Variants in ZNRF1 observed in about 807,000 individuals in gnomAD.
The protein encoded by ZNRF1 is zinc and ring finger 1, also known as E3 ubiquitin-protein ligase ZNRF1.
ZNRF1 carries 3 observed loss-of-function variants against 18.4 expected under a neutral mutation model. That is an observed-to-expected ratio of 0.16 (90% confidence interval 0.07 to 0.42). ZNRF1 has a LOEUF of 0.42. Among genes scored for constraint, ZNRF1 ranks in the 10% least tolerant of loss-of-function variants. The probability of loss-of-function intolerance (pLI) is 0.99; values close to 1 mark genes in which losing one functional copy is unlikely to be tolerated. For synonymous variants in ZNRF1, 157 were observed against 144.2 expected (o/e 1.09, Z -0.64); for missense variants, 310 against 329.8 (o/e 0.94, Z 0.47).
chr16:75,100,598 G>GACC (rs2036244836), intron 2 of ZNRF1, among the ~76,000 whole-genome samples: 1 of 152,194 alleles, frequency 6.6e-6, no homozygotes, highest in South Asian at 2.1e-4. Context: ...AGCTGTATGG[G>GACC]ACCCAGAGAA....
chr16:75,043,806 T>TTTTTTTTTTTTA (rs1567476290), intron 1 of ZNRF1, among the ~76,000 whole-genome samples: 1 of 147,504 alleles, frequency 6.8e-6, no homozygotes. Context: ...TTTTTTTTTT[T>TTTTTTTTTTTTA]GAGACAGAGT....
chr16:75,062,905 C>T (rs1349620736), intron 1 of ZNRF1, among the ~76,000 whole-genome samples: 1 of 152,156 alleles, frequency 6.6e-6, no homozygotes, highest in Non-Finnish European at 1.5e-5. Flanking sequence ...ACGTGGGAGG[C>T]CTGGGGCTTC....
chr16:75,076,576 A>G (rs893980908), intron 1 of ZNRF1, among the ~76,000 whole-genome samples: 2 of 150,198 alleles, frequency 1.3e-5, no homozygotes, highest in African/African-American at 4.9e-5. Flanking sequence ...TTGATTGCTT[A>G]TCCTATTTAA....
chr16:75,104,906 A>C lies in ZNRF1; in HGVS notation c.626+17A>C. On this transcript the variant is annotated intron_variant, in intron 3 of 4. Coordinates refer to ENST00000335325, the MANE Select transcript of ZNRF1 (RefSeq NM_032268.5). ...TCACAAAAGGTAGGAGGGGTTGGCA[A>C]GGTAGCTTAGTGCACCCCACCTCCC... The C allele has an allele frequency of 6.3e-7, 1 of 1,575,054 alleles. No homozygotes were observed. The highest frequency in any genetic ancestry group is 1.2e-5 in the South Asian group (1 of 85,900).
At chr16:75,012,053 A>G (rs1207238227) in intron 1 of ZNRF1, among the ~76,000 whole-genome samples, 2 of 152,192 alleles carry the variant, frequency 1.3e-5, no homozygotes, top group Admixed American at 6.5e-5. Context: ...CACCAGGGGA[A>G]TTTTTGGTAG....
rs2035828416 is a variant in ZNRF1 at position 75,068,261 on chromosome 16, G to A, written c.425-25311G>A. Among the ~76,000 whole-genome samples, 3 of 150,794 alleles carry A rather than the reference G, an allele frequency of 2.0e-5. No individual in the cohort carries two copies. The South Asian group carries it at 6.3e-4, about 32-fold the overall frequency. On this transcript the variant is annotated intron_variant, in intron 1 of 4. Transcript: ENST00000335325. ...CACCTGTAGTCTCAGCTACTCCAGA[G>A]ACTGAGATGGGAGGATTGCTTAAGC...
At chr16:75,048,753 G>A (rs1157406053) in intron 1 of ZNRF1, among the ~76,000 whole-genome samples, 1 of 152,126 alleles carries the variant, frequency 6.6e-6, no homozygotes, top group African/African-American at 2.4e-5. Flanking sequence ...TCTGTCCGTG[G>A]CTTGGTTCGG....
Position 75,024,866 on chromosome 16 carries a change from T to C in ZNRF1, c.424+24771T>C, listed in dbSNP as rs370138656. Among the ~76,000 whole-genome samples the C allele has an allele frequency of 4.6e-5, 7 of 152,196 alleles. No individual in the cohort carries two copies. The East Asian group carries it at 9.6e-4, about 21-fold the overall frequency. The stretch of plus-strand genomic sequence containing the variant: ...TATTCACTGTGAAGATTTTAAACAT[T>C]AATGTAGAAAGCGGAAGTTTCCCCC... On this transcript the variant is annotated intron_variant, in intron 1 of 4. Coordinates refer to ENST00000335325, the MANE Select transcript of ZNRF1 (RefSeq NM_032268.5).
rs989433835 is a variant in ZNRF1, at chr16:75,092,987, A to G, written c.425-585A>G. On this transcript the variant is annotated intron_variant, in intron 1 of 4. Coordinates refer to ENST00000335325, the MANE Select transcript of ZNRF1 (RefSeq NM_032268.5). Reference sequence around the variant, plus strand: ...CCATCTGAGAAAGGGTCTAAAGAAGATAAAACTCAAGTCAGGTGTCAGTGA... The same window carrying G: ...CCATCTGAGAAAGGGTCTAAAGAAGGTAAAACTCAAGTCAGGTGTCAGTGA... Among the ~76,000 whole-genome samples the G allele has an allele frequency of 2.6e-5, 4 of 152,216 alleles. No individual in the cohort carries two copies. The South Asian group carries it at 6.2e-4, about 24-fold the overall frequency.
chr16:75,011,254 G>C (rs1413003203), intron 1 of ZNRF1, among the ~76,000 whole-genome samples: 1 of 152,158 alleles, frequency 6.6e-6, no homozygotes, highest in Non-Finnish European at 1.5e-5. Flanking sequence ...GAGCCCTTGG[G>C]ATTCCAACCT....
At chr16:75,048,872 C>G (rs2035551612) in intron 1 of ZNRF1, among the ~76,000 whole-genome samples, 1 of 152,122 alleles carries the variant, frequency 6.6e-6, no homozygotes, top group Non-Finnish European at 1.5e-5. Flanking sequence ...TGTGGATAAT[C>G]CTTACATTCA....
chr16:75,021,726 T>C (rs2035151452), intron 1 of ZNRF1, among the ~76,000 whole-genome samples: 1 of 152,224 alleles, frequency 6.6e-6, no homozygotes, highest in African/African-American at 2.4e-5. Context: ...TTAATGTTTT[T>C]TTCTCTTGGC....
At chr16:75,027,763 G>T (rs1233298532) in intron 1 of ZNRF1, among the ~76,000 whole-genome samples, 2 of 152,118 alleles carry the variant, frequency 1.3e-5, no homozygotes, top group African/African-American at 4.8e-5. Flanking sequence ...CCCTGGGTTA[G>T]AAGAAACACT....
chr16:75,039,295 G>A (rs1220803546), intron 1 of ZNRF1, among the ~76,000 whole-genome samples: 1 of 151,150 alleles, frequency 6.6e-6, no homozygotes, highest in Non-Finnish European at 1.5e-5. Flanking sequence ...TTTTTAATGT[G>A]GAAGCATATT....
At chr16:75,000,155 C>T in intron 1 of ZNRF1, 60 bp downstream of exon 1, 3 of 1,556,118 alleles carry the variant, frequency 1.9e-6, no homozygotes, top group Non-Finnish European at 2.6e-6. Context: ...CCCAAGCCTT[C>T]GCGTGCGTGC....
chr16:75,078,594 T>TG (rs1567488803), intron 1 of ZNRF1, among the ~76,000 whole-genome samples: 3 of 152,166 alleles, frequency 2.0e-5, no homozygotes, highest in African/African-American at 7.2e-5. Flanking sequence ...CCACCACGCC[T>TG]GGCCACACAT....
At chr16:75,022,561 G>T (rs1272837908) in intron 1 of ZNRF1, among the ~76,000 whole-genome samples, 2 of 149,262 alleles carry the variant, frequency 1.3e-5, no homozygotes, top group African/African-American at 5.1e-5. Flanking sequence ...GCGAGACTCC[G>T]TCTCAAAAAA....
At chr16:75,027,495 T>C (rs1049880219) in intron 1 of ZNRF1, among the ~76,000 whole-genome samples, 4 of 152,198 alleles carry the variant, frequency 2.6e-5, no homozygotes, top group Non-Finnish European at 4.4e-5. Flanking sequence ...ATCTGCTGTT[T>C]ATAATATCAG....
chr16:75,077,510 G>A (rs927170934), intron 1 of ZNRF1, among the ~76,000 whole-genome samples: 1 of 152,190 alleles, frequency 6.6e-6, no homozygotes, highest in Non-Finnish European at 1.5e-5. Flanking sequence ...CCAGCCTGGC[G>A]ACAGAGCGAG....
Sources: gnomAD v4.1 joint callset for allele counts (sites outside exome capture counted in the v4.1 genomes callset) on GRCh38, gnomAD v4.1.1 for gene constraint, MANE v1.5 for transcripts, NCBI Gene and HGNC (gene_info 2026-07-23, HGNC 2026-07-21) for gene names.